Variants in DCC observed in about 807,000 individuals in gnomAD.
DCC encodes the protein netrin receptor DCC.
In DCC, 58 loss-of-function variants were observed where a neutral mutation model predicts 172.5. The observed-to-expected ratio is 0.34, with a 90% CI of 0.27 to 0.42. The LOEUF (loss-of-function observed/expected upper bound fraction) is 0.42, where lower values mean the gene tolerates loss of function less well. Among genes scored for constraint, DCC ranks in the 10% least tolerant of loss-of-function variants. DCC has a pLI of 1.00. For synonymous variants in DCC, 709 were observed against 644.5 expected (o/e 1.10, Z -1.52); for missense variants, 1,740 against 1,791.0 (o/e 0.97, Z 0.51).
In DCC at chr18:52,725,038, C is replaced by T. The variant is rs141756920; in HGVS notation, c.92-27016C>T. On this transcript the variant is annotated intron_variant, in intron 1 of 28. Coordinates refer to ENST00000442544, the MANE Select transcript of DCC (RefSeq NM_005215.4). ...TATTTTCTTCACCAGGGAACCTACC[C>T]GATCTCTTTCAAGGCATTCCCTGTA... is the stretch of plus-strand genomic sequence containing the variant. 3.3e-5 allele frequency among the ~76,000 whole-genome samples: 5 copies of T among 152,266 alleles called. No homozygotes were observed. The East Asian group carries it at 7.7e-4, about 24-fold the overall frequency.
Position 53,207,782 on chromosome 18 carries a change from C to T in DCC, c.1826C>T (p.Ser609Phe). 6.2e-7 allele frequency: 1 copy of T among 1,613,398 alleles called. No individual in the cohort carries two copies. Among genetic ancestry groups the T allele is most frequent in the Non-Finnish European group, 8.5e-7 (1 of 1,179,410 alleles). The change falls in exon 11 of 29, where the codon TCT becomes TTT. Residue 609 changes from serine to phenylalanine, a missense_variant. Physicochemically the swap from Ser to Phe is radical, Grantham distance 155. Around this residue, in one of 2 missense-constraint regions of DCC, gnomAD observed 1,732 missense variants for 1,767.4 expected, o/e 0.98. Coordinates refer to ENST00000442544, the MANE Select transcript of DCC (RefSeq NM_005215.4). ...LAYNRYGPGV[S>F]TDDITVVTLS... ...TATAATCGCTATGGTCCGGGCGTCT[C>T]TACTGATGATATAACAGTGGTTACA...
intron 1 of DCC, among the ~76,000 whole-genome samples, chr18:52,394,020 G>A (rs1034272072): frequency 3.9e-5 from 6 of 151,978 alleles, no homozygotes; most frequent in Non-Finnish European, 8.8e-5. Context: ...CTACCTACTG[G>A]TAAATTCACG....
intron 2 of DCC, among the ~76,000 whole-genome samples, chr18:52,812,304 T>A (rs1221857609): frequency 1.3e-5 from 2 of 152,222 alleles, no homozygotes; most frequent in Non-Finnish European, 2.9e-5. Flanking sequence ...ATTTTCCCTT[T>A]CCAATGATCA....
intron 17 of DCC, among the ~76,000 whole-genome samples, chr18:53,396,879 AG>A (rs1176691678): frequency 5.9e-5 from 9 of 152,308 alleles, no homozygotes; most frequent in African/African-American, 2.2e-4. Flanking sequence ...AGTTGACAGA[AG>A]GAAGTGGAAT....
At chr18:52,806,269 C>A (rs2038081983) in intron 2 of DCC, among the ~76,000 whole-genome samples, 1 of 152,214 alleles carries the variant, frequency 6.6e-6, no homozygotes, top group Admixed American at 6.5e-5. Flanking sequence ...TCGCTCCCGT[C>A]AACATCCCAT....
At chr18:53,223,099 T>A (rs1163084808) in intron 12 of DCC, among the ~76,000 whole-genome samples, 2 of 152,120 alleles carry the variant, frequency 1.3e-5, no homozygotes, top group Non-Finnish European at 2.9e-5. Context: ...GTTAGAAGAT[T>A]TGAATAAGTT....
At chr18:53,459,129 C>G (rs909293840) in intron 23 of DCC, 103 bp from the exon 24 acceptor site, 6 of 943,794 alleles carry the variant, frequency 6.4e-6, no homozygotes, top group Non-Finnish European at 1.0e-5. Context: ...TTCTGCGAGT[C>G]CTTTTGTTTC....
In DCC at chr18:52,691,401, T is replaced by A. The variant is rs892057215; in HGVS notation, c.92-60653T>A. 3.3e-5 allele frequency among the ~76,000 whole-genome samples: 5 copies of A among 152,134 alleles called. No homozygotes were observed. In the South Asian group the frequency reaches 1.0e-3, roughly 32 times the overall value. On this transcript the variant is annotated intron_variant, in intron 1 of 28. Coordinates refer to ENST00000442544, the MANE Select transcript of DCC (RefSeq NM_005215.4). ...GTGACTTGAAACAGCAGGAATTTAT[T>A]CTCTCACAGTTCTGGAAGGTAGAAA...
intron 21 of DCC, among the ~76,000 whole-genome samples, chr18:53,434,288 G>A (rs1040442076): frequency 5.3e-5 from 8 of 152,176 alleles, no homozygotes; most frequent in African/African-American, 1.7e-4. Context: ...GTCTTTGTTT[G>A]CATACAGATT....
chr18:52,777,071 TAAA>T (rs2037447866), intron 2 of DCC, among the ~76,000 whole-genome samples: 1 of 152,190 alleles, frequency 6.6e-6, no homozygotes, highest in Non-Finnish European at 1.5e-5. Context: ...TTTTACTTTT[TAAA>T]AAATTACCTT....
intron 9 of DCC, among the ~76,000 whole-genome samples, chr18:53,204,956 C>T (rs1322431506): frequency 6.6e-6 from 1 of 152,124 alleles, no homozygotes; most frequent in Non-Finnish European, 1.5e-5. Context: ...ATCTTAGTCA[C>T]TTGTACTCCT....
chr18:52,863,107 T>C (rs1319626739), intron 2 of DCC, among the ~76,000 whole-genome samples: 1 of 152,092 alleles, frequency 6.6e-6, no homozygotes, highest in African/African-American at 2.4e-5. Flanking sequence ...CAGTTTCATC[T>C]ATTCTTTATT....
intron 2 of DCC, among the ~76,000 whole-genome samples, chr18:52,783,082 A>AC (rs1821278976): frequency 6.6e-6 from 1 of 152,062 alleles, no homozygotes; most frequent in African/African-American, 2.4e-5. Context: ...ATAATGAAAA[A>AC]CAGACCTAAA....
At chr18:52,808,174 TAGG>T (rs33988813) in intron 2 of DCC, among the ~76,000 whole-genome samples, 13,797 of 152,196 alleles carry the variant, frequency 0.091, 709 homozygotes, top group South Asian at 0.19. Context: ...ATATACAAGT[TAGG>T]AGGAAGTGTT....
At chr18:52,532,023 A>G (rs1293102107) in intron 1 of DCC, among the ~76,000 whole-genome samples, 1 of 152,194 alleles carries the variant, frequency 6.6e-6, no homozygotes, top group Non-Finnish European at 1.5e-5. Context: ...ACAATGCAAA[A>G]GGTAGAGATT....
At chr18:53,306,830 A>G (rs1599006238) in intron 13 of DCC, among the ~76,000 whole-genome samples, 2 of 152,160 alleles carry the variant, frequency 1.3e-5, no homozygotes, top group South Asian at 4.1e-4. Flanking sequence ...AGAATGGCTC[A>G]TGACACAGCT....
intron 1 of DCC, among the ~76,000 whole-genome samples, chr18:52,663,014 C>T (rs951872564): frequency 2.0e-5 from 3 of 152,128 alleles, no homozygotes; most frequent in South Asian, 4.1e-4. Context: ...GGAAAACAAA[C>T]ATTCAGACCA....
At chr18:52,530,516 A>G (rs181294773) in intron 1 of DCC, among the ~76,000 whole-genome samples, 9 of 152,332 alleles carry the variant, frequency 5.9e-5, no homozygotes, top group Non-Finnish European at 1.3e-4. Context: ...GCCATAAAGA[A>G]AACAGAGAAT....
intron 27 of DCC, among the ~76,000 whole-genome samples, chr18:53,506,411 T>TATAA (rs1280573047): frequency 6.6e-6 from 1 of 152,186 alleles, no homozygotes; most frequent in African/African-American, 2.4e-5. Context: ...TAATCTGAAC[T>TATAA]ATAAATAGCA....
Sources: gnomAD v4.1 joint callset for allele counts (sites outside exome capture counted in the v4.1 genomes callset) on GRCh38, gnomAD v4.1.1 for gene constraint, gnomAD v4.1.1 regional missense constraint, MANE v1.5 for transcripts, NCBI Gene and HGNC (gene_info 2026-07-23, HGNC 2026-07-21) for gene names.